NCOR2: variants seen among roughly 807,000 people sequenced by gnomAD.
NCOR2 encodes CTG repeat protein 26.
A neutral mutation model predicts 262.9 loss-of-function variants in NCOR2; 81 were observed. The observed-to-expected ratio is 0.31, with a 90% CI of 0.26 to 0.37. The LOEUF (loss-of-function observed/expected upper bound fraction) is 0.37, where lower values mean the gene tolerates loss of function less well. Ranked by LOEUF, NCOR2 falls within the 10% of genes least tolerant of loss-of-function variation. The pLI, the probability that NCOR2 is intolerant of heterozygous loss-of-function variation, is 1.00. For missense variants in NCOR2, 3,385 were observed against 3,621.4 expected (o/e 0.93, Z 1.68); for synonymous variants, 1,659 against 1,559.3 (o/e 1.06, Z -1.51).
At chr12:124,501,001 G>A (rs191271229) in intron 1 of NCOR2, among the ~76,000 whole-genome samples, 60 of 152,096 alleles carry the variant, frequency 3.9e-4, no homozygotes, top group African/African-American at 1.3e-3. Context: ...GGGGAGCCTC[G>A]GGATTAAAAA....
At chr12:124,344,624 G>T in exon 32 of NCOR2, 1 of 1,463,426 alleles carries the variant, frequency 6.8e-7, no homozygotes, top group Non-Finnish European at 9.1e-7. Flanking sequence ...GTGGGCTCCC[G>T]CGTGGTCACG....
intron 1 of NCOR2, among the ~76,000 whole-genome samples, chr12:124,522,486 G>A (rs1202908829): frequency 6.6e-6 from 1 of 152,158 alleles, no homozygotes; most frequent in East Asian, 1.9e-4. Context: ...TCTTCACGTG[G>A]ACTTCTCTGC....
In NCOR2 at chr12:124,417,059, C is replaced by G. The variant is rs367901492; in HGVS notation, c.1482+2898G>C. Among the ~76,000 whole-genome samples the G allele has an allele frequency of 6.5e-3, 350 of 53,888 alleles. 6 individuals are homozygous for G. The East Asian group carries it at 0.12, about 19-fold the overall frequency. The allele number at this position is 53,888 out of a possible 152,430, so 35.4% of individuals were successfully genotyped here. A position where few individuals can be genotyped will look rare whatever the true frequency, so the allele number is the denominator to read the frequency against. On this transcript the variant is annotated intron_variant, in intron 13 of 46. Transcript: ENST00000405201. Reference sequence around the variant, plus strand: ...CTCACTCCTGAGAGCAAGCCGGACACTCACTCCACGGAGAGCAGGCCGGAC... The same window carrying G: ...CTCACTCCTGAGAGCAAGCCGGACAGTCACTCCACGGAGAGCAGGCCGGAC...
intron 13 of NCOR2, among the ~76,000 whole-genome samples, chr12:124,417,095 C>T (rs61932028): frequency 0.14 from 16,077 of 113,716 alleles, 1,714 homozygotes; most frequent in South Asian, 0.18. Context: ...AGTCACTCCA[C>T]GGAGAGCAGG....
chr12:124,372,821 G>A (rs2039607923), intron 19 of NCOR2, among the ~76,000 whole-genome samples: 1 of 152,128 alleles, frequency 6.6e-6, no homozygotes, highest in Non-Finnish European at 1.5e-5. Context: ...CCCTCGCCTG[G>A]CCGCCTTTCT....
At chr12:124,513,883 T>C (rs951343697) in intron 1 of NCOR2, 8 of 152,174 alleles carry the variant, frequency 5.3e-5, no homozygotes, top group African/African-American at 1.9e-4. Context: ...CATGAGAACT[T>C]TTCCTGGTTT....
At chr12:124,560,589 G>A (rs760760017) in intron 1 of NCOR2, among the ~76,000 whole-genome samples, 24 of 152,104 alleles carry the variant, frequency 1.6e-4, no homozygotes, top group Admixed American at 5.2e-4. Flanking sequence ...TGACTATGAC[G>A]GCGAAAATCA....
chr12:124,533,857 G>A (rs865908632), intron 1 of NCOR2, among the ~76,000 whole-genome samples: 2 of 151,986 alleles, frequency 1.3e-5, no homozygotes, highest in African/African-American at 2.4e-5. Flanking sequence ...GTCCAACCCC[G>A]GCCCAGGATG....
chr12:124,399,514 T>C (rs914558556), intron 15 of NCOR2, among the ~76,000 whole-genome samples: 11 of 152,060 alleles, frequency 7.2e-5, no homozygotes, highest in Admixed American at 4.6e-4. Flanking sequence ...CTGTGGCCAA[T>C]GGGGCTGAGT....
intron 1 of NCOR2, chr12:124,513,971 G>C (rs1242491379): frequency 6.6e-6 from 1 of 152,228 alleles, no homozygotes; most frequent in Non-Finnish European, 1.5e-5. Context: ...CTGAGGCCCC[G>C]TGGAAGACAC....
rs964678277 is a variant in NCOR2, at chr12:124,358,181, G to C, written c.3101-1399C>G. 5.5e-5 allele frequency among the ~76,000 whole-genome samples: 8 copies of C among 145,280 alleles called. No individual in the cohort carries two copies. The South Asian group carries it at 1.8e-3, about 32-fold the overall frequency. On this transcript the variant is annotated intron_variant, in intron 22 of 46. Transcript: ENST00000405201. ...TGTGCCTGTACACAATGTTGAAGGA[G>C]ATAACCTGTGATGTGTGTGCGCGTG...
At position 124,474,232 on chromosome 12, in the gene NCOR2, C is replaced by T. The variant is rs764401626; in HGVS notation, c.412-1101G>A. Among the ~76,000 whole-genome samples the T allele has an allele frequency of 7.2e-5, 11 of 152,166 alleles. No homozygotes were observed. In the South Asian group the frequency reaches 1.2e-3, roughly 17 times the overall value. ...TCCAGAACCATGCAGCCAACACACA[C>T]GTGGCTTTGCAGAAAACATATGTTC... On this transcript the variant is annotated intron_variant, in intron 3 of 46. Coordinates refer to ENST00000405201, the Ensembl canonical transcript of NCOR2.
intron 1 of NCOR2, among the ~76,000 whole-genome samples, chr12:124,505,398 G>A (rs1047099143): frequency 2.0e-5 from 3 of 152,172 alleles, no homozygotes; most frequent in South Asian, 4.1e-4. Context: ...GCTCCTCCTC[G>A]GCAGTTTTAG....
chr12:124,519,261 T>C (rs2050039814), intron 1 of NCOR2, among the ~76,000 whole-genome samples: 1 of 152,084 alleles, frequency 6.6e-6, no homozygotes, highest in African/African-American at 2.4e-5. Flanking sequence ...CAGGCTGAGC[T>C]CTGCTTCTCC....
chr12:124,351,367 T>G (rs2037444560), intron 27 of NCOR2, among the ~76,000 whole-genome samples: 1 of 140,032 alleles, frequency 7.1e-6, no homozygotes, highest in Non-Finnish European at 1.5e-5. Context: ...CAGCTGGAGC[T>G]GGACCCTTCT....
chr12:124,360,083 C>T (rs182750250), intron 22 of NCOR2, among the ~76,000 whole-genome samples: 19 of 152,342 alleles, frequency 1.2e-4, no homozygotes, highest in East Asian at 9.6e-4. Context: ...CAGGGGCCTG[C>T]GACCTGGCTC....
At chr12:124,507,626 C>T (rs2049123734) in intron 1 of NCOR2, among the ~76,000 whole-genome samples, 1 of 152,242 alleles carries the variant, frequency 6.6e-6, no homozygotes, top group South Asian at 2.1e-4. Context: ...CGGAAGCGCC[C>T]GATAAGCTGA....
At chr12:124,419,818 A>T (rs1380050241) in intron 13 of NCOR2, 139 bp downstream of exon 15, 2 of 760,204 alleles carry the variant, frequency 2.6e-6, no homozygotes, top group Non-Finnish European at 4.5e-6. Flanking sequence ...GGGAGCCTGC[A>T]CTCACACTGC....
At chr12:124,460,127 G>T (rs2046089422) in intron 5 of NCOR2, among the ~76,000 whole-genome samples, 1 of 152,178 alleles carries the variant, frequency 6.6e-6, no homozygotes, top group Non-Finnish European at 1.5e-5. Flanking sequence ...AGGGATAAGG[G>T]TCTGCGTCCC....
Sources: gnomAD v4.1 joint callset for allele counts (sites outside exome capture counted in the v4.1 genomes callset) on GRCh38, gnomAD v4.1.1 for gene constraint, MANE v1.5 for transcripts, NCBI Gene and HGNC (gene_info 2026-07-23, HGNC 2026-07-21) for gene names.